The following CHST9 variants were observed in gnomAD, a reference collection of about 807,000 sequenced individuals.
CHST9 encodes carbohydrate sulfotransferase 9.
Under a neutral mutation model 44.4 loss-of-function variants are expected in CHST9, and 41 were observed. The ratio of observed to expected loss-of-function variants is 0.92; its 90% CI spans 0.72 to 1.20. CHST9 has a LOEUF of 1.20. Among genes scored for constraint, CHST9 ranks in the 50% most tolerant of loss-of-function variants. The pLI, the probability that CHST9 is intolerant of heterozygous loss-of-function variation, is 0.00. For missense variants in CHST9, 504 were observed against 516.5 expected, an observed-to-expected ratio of 0.98 and a Z score of 0.23; for synonymous variants, 171 against 178.4, an observed-to-expected ratio of 0.96 and a Z score of 0.33.
At chr18:27,022,120 C>T (rs1329981078) in intron 4 of CHST9, among the ~76,000 whole-genome samples, 1 of 152,152 alleles carries the variant, frequency 6.6e-6, no homozygotes, top group African/African-American at 2.4e-5. Flanking sequence ...TTATTATCTC[C>T]ATTTCACAGA....
At chr18:27,159,539 G>T (rs1226648315) in intron 1 of CHST9, among the ~76,000 whole-genome samples, 1 of 152,188 alleles carries the variant, frequency 6.6e-6, no homozygotes, top group Non-Finnish European at 1.5e-5. Flanking sequence ...AAGTCAGGTA[G>T]CGTGATGCCT....
chr18:27,089,559 C>T (rs1049982093), intron 2 of CHST9, among the ~76,000 whole-genome samples: 6 of 152,104 alleles, frequency 3.9e-5, no homozygotes, highest in African/African-American at 1.4e-4. Context: ...GGGTTGGTTC[C>T]AAGTCTTTGC....
intron 1 of CHST9, among the ~76,000 whole-genome samples, chr18:27,164,362 A>C (rs1261115573): frequency 6.6e-6 from 1 of 151,836 alleles, no homozygotes; most frequent in African/African-American, 2.4e-5. Flanking sequence ...AATATAACCA[A>C]GTGAAAAACA....
chr18:27,051,341 C>T (rs1453995126), intron 2 of CHST9, among the ~76,000 whole-genome samples: 1 of 151,470 alleles, frequency 6.6e-6, no homozygotes, highest in Non-Finnish European at 1.5e-5. Context: ...ATCACTTAAA[C>T]CAAGGAGTTT....
intron 2 of CHST9, among the ~76,000 whole-genome samples, chr18:27,077,050 G>A (rs1315263031): frequency 3.9e-5 from 6 of 152,130 alleles, no homozygotes; most frequent in Non-Finnish European, 8.8e-5. Flanking sequence ...TTCTTATAAT[G>A]TGCATAAAAT....
chr18:27,157,180 C>A (rs1410450475), intron 1 of CHST9, among the ~76,000 whole-genome samples: 1 of 151,976 alleles, frequency 6.6e-6, no homozygotes, highest in Non-Finnish European at 1.5e-5. Context: ...GCAGTCAATA[C>A]CTATTTGGAA....
intron 5 of CHST9, chr18:26,933,123 G>A (rs578164575): frequency 1.9e-5 from 3 of 153,908 alleles, no homozygotes; most frequent in African/African-American, 4.8e-5. Flanking sequence ...GTGAGCCAAC[G>A]TAGGTTGTGA....
At chr18:27,092,283 G>A (rs2058076782) in intron 2 of CHST9, among the ~76,000 whole-genome samples, 1 of 151,798 alleles carries the variant, frequency 6.6e-6, no homozygotes, top group South Asian at 2.1e-4. Flanking sequence ...TGGGATTGGT[G>A]GTGATATCCC....
chr18:27,132,191 T>G (rs982431533), intron 2 of CHST9, among the ~76,000 whole-genome samples: 3 of 152,216 alleles, frequency 2.0e-5, no homozygotes, highest in African/African-American at 7.2e-5. Context: ...CACAAAATGA[T>G]AGTCACATAA....
intron 2 of CHST9, among the ~76,000 whole-genome samples, chr18:27,112,500 T>C (rs1598733167): frequency 6.6e-6 from 1 of 152,052 alleles, no homozygotes; most frequent in Non-Finnish European, 1.5e-5. Flanking sequence ...TTTCCACTTG[T>C]GGTGTCATGT....
At chr18:26,956,329 AT>A (rs1455719878) in intron 4 of CHST9, among the ~76,000 whole-genome samples, 12 of 131,866 alleles carry the variant, frequency 9.1e-5, no homozygotes, top group African/African-American at 3.6e-4. Context: ...AAAAAAAAAT[AT>A]ATATATATAT....
At chr18:26,932,538 C>A (rs370984118) in intron 5 of CHST9, among the ~76,000 whole-genome samples, 66 of 151,160 alleles carry the variant, frequency 4.4e-4, no homozygotes, top group African/African-American at 1.6e-3. Flanking sequence ...TGTGTGTTAG[C>A]TGGATCAGGG....
At chr18:27,003,372 A>G (rs987716106) in intron 4 of CHST9, among the ~76,000 whole-genome samples, 4 of 152,180 alleles carry the variant, frequency 2.6e-5, no homozygotes, top group African/African-American at 9.7e-5. Flanking sequence ...CACTCATGGG[A>G]GGTTAGCCCA....
rs982885707 is a variant in CHST9, at chr18:26,910,961, CCAAA to C, written c.*5294_*5297del. On this transcript the variant is annotated 3_prime_UTR_variant, in exon 6 of 6. Transcript: ENST00000618847. The stretch of plus-strand genomic sequence containing the variant: ...TGCATTTTTCTCAAAATTTTCTTCC[CCAAA>C]CAATCAAGCAACTGCTATTTCTTAG... 2.6e-5 allele frequency: 4 copies of C among 152,216 alleles called. No homozygotes were observed. The highest frequency in any genetic ancestry group is 2.1e-4 in the South Asian group (1 of 4,820). The allele number at this position is 152,216 out of a possible 1,614,324, so 9.4% of individuals were successfully genotyped here.
intron 2 of CHST9, among the ~76,000 whole-genome samples, chr18:27,097,753 T>A (rs1204155841): frequency 6.6e-6 from 1 of 152,146 alleles, no homozygotes; most frequent in Non-Finnish European, 1.5e-5. Context: ...TTGAGTTAAT[T>A]TTTGTATAAG....
chr18:27,005,481 G>T (rs1246732049), intron 4 of CHST9, among the ~76,000 whole-genome samples: 2 of 152,154 alleles, frequency 1.3e-5, no homozygotes, highest in East Asian at 3.9e-4. Flanking sequence ...GCTATTTTTA[G>T]ATTCTCTTTA....
chr18:27,070,601 T>G (rs1238472855), intron 2 of CHST9, among the ~76,000 whole-genome samples: 1 of 152,234 alleles, frequency 6.6e-6, no homozygotes, highest in Non-Finnish European at 1.5e-5. Context: ...TTAATGAAGA[T>G]GTGTTTATTG....
chr18:27,066,392 A>G (rs2057782591), intron 2 of CHST9, among the ~76,000 whole-genome samples: 1 of 152,220 alleles, frequency 6.6e-6, no homozygotes. Context: ...GAAATGCTGA[A>G]TAAATGACAA....
At chr18:27,130,481 A>T (rs1774642443) in intron 2 of CHST9, among the ~76,000 whole-genome samples, 1 of 152,242 alleles carries the variant, frequency 6.6e-6, no homozygotes, top group African/African-American at 2.4e-5. Context: ...TAGAATTATC[A>T]TTGAACACTT....
Sources: gnomAD v4.1 joint callset for allele counts (sites outside exome capture counted in the v4.1 genomes callset) on GRCh38, gnomAD v4.1.1 for gene constraint, MANE v1.5 for transcripts, NCBI Gene and HGNC (gene_info 2026-07-23, HGNC 2026-07-21) for gene names.